Variants in USH2A observed in about 807,000 individuals in gnomAD.
USH2A encodes the protein usherin, also known as Usher syndrome 2A (autosomal recessive, mild).
Under a neutral mutation model 538.9 loss-of-function variants are expected in USH2A, and 443 were observed. The ratio of observed to expected loss-of-function variants is 0.82; its 90% CI spans 0.76 to 0.89. The LOEUF is 0.89. Among genes scored for constraint, USH2A ranks in the 40% least tolerant of loss-of-function variants. USH2A has a pLI of 0.00. For missense variants in USH2A, 6,633 were observed against 6,324.8 expected, an observed-to-expected ratio of 1.05 and a Z score of -1.65; for synonymous variants, 2,413 against 2,273.5, an observed-to-expected ratio of 1.06 and a Z score of -1.75.
intron 61 of USH2A, among the ~76,000 whole-genome samples, chr1:215,688,935 T>C (rs1658516338): frequency 6.6e-6 from 1 of 151,980 alleles, no homozygotes; most frequent in Non-Finnish European, 1.5e-5. Flanking sequence ...GGGGTAATAG[T>C]GGCTTGGACT....
intron 21 of USH2A, among the ~76,000 whole-genome samples, chr1:216,148,374 C>T (rs955731649): frequency 2.6e-5 from 4 of 151,830 alleles, no homozygotes; most frequent in African/African-American, 9.7e-5. Flanking sequence ...TATCTCATTG[C>T]CGCCCTTCTT....
At chr1:215,877,668 C>T in intron 43 of USH2A, 90 bp downstream of exon 43, 1 of 1,580,268 alleles carries the variant, frequency 6.3e-7, no homozygotes, top group East Asian at 2.2e-5. Context: ...ATAACACGCT[C>T]ACACAATGAA....
intron 11 of USH2A, among the ~76,000 whole-genome samples, chr1:216,279,990 C>T (rs1306815639): frequency 5.3e-5 from 8 of 151,948 alleles, no homozygotes; most frequent in Admixed American, 3.9e-4. Context: ...GGCTCACTCC[C>T]ACCTTGGGTC....
intron 61 of USH2A, among the ~76,000 whole-genome samples, chr1:215,680,831 G>C (rs1008712158): frequency 6.6e-6 from 1 of 151,948 alleles, no homozygotes; most frequent in African/African-American, 2.4e-5. Context: ...AAATCTGTTT[G>C]TACACAAGAC....
chr1:216,212,723 AG>A (rs1233195441), intron 15 of USH2A, among the ~76,000 whole-genome samples: 10 of 150,586 alleles, frequency 6.6e-5, no homozygotes, highest in African/African-American at 2.4e-4. Flanking sequence ...ATATGTATGT[AG>A]GGGTGTGTGT....
At chr1:215,676,410 G>T (rs1306751095) in intron 62 of USH2A, among the ~76,000 whole-genome samples, 1 of 152,144 alleles carries the variant, frequency 6.6e-6, no homozygotes, top group East Asian at 1.9e-4. Flanking sequence ...TTTTTGAACA[G>T]TGATTTTCCA....
chr1:215,670,370 G>A (rs1423667919), intron 64 of USH2A, among the ~76,000 whole-genome samples: 1 of 152,108 alleles, frequency 6.6e-6, no homozygotes, highest in Non-Finnish European at 1.5e-5. Context: ...AATGCAAATG[G>A]ACTCTGATGG....
At chr1:215,647,171 A>G (rs763635481) in intron 67 of USH2A, among the ~76,000 whole-genome samples, 1 of 152,184 alleles carries the variant, frequency 6.6e-6, no homozygotes, top group Non-Finnish European at 1.5e-5. Flanking sequence ...GACATACTAG[A>G]GATTATGCCA....
intron 61 of USH2A, among the ~76,000 whole-genome samples, chr1:215,686,918 G>A (rs1658440838): frequency 6.6e-6 from 1 of 151,932 alleles, no homozygotes; most frequent in Non-Finnish European, 1.5e-5. Context: ...TTTCAATTGA[G>A]GCAGGAAGTA....
intron 38 of USH2A, among the ~76,000 whole-genome samples, chr1:215,926,210 C>CAAAA (rs56162024): frequency 1.4e-4 from 16 of 111,596 alleles, no homozygotes; most frequent in Middle Eastern, 4.4e-3. Flanking sequence ...AGAGACCCTG[C>CAAAA]AAAAAAAAAA....
At chr1:216,197,317 G>A (rs2034873119) in intron 18 of USH2A, among the ~76,000 whole-genome samples, 1 of 152,078 alleles carries the variant, frequency 6.6e-6, no homozygotes, top group Admixed American at 6.6e-5. Flanking sequence ...TTTTAAATGT[G>A]CTAACCAAAG....
At chr1:215,712,568 T>C (rs1002733525) in intron 61 of USH2A, among the ~76,000 whole-genome samples, 1 of 152,190 alleles carries the variant, frequency 6.6e-6, no homozygotes, top group Non-Finnish European at 1.5e-5. Flanking sequence ...TCAATGAGTT[T>C]AATATCTCAA....
At chr1:215,797,727 T>A (rs1247292038) in intron 50 of USH2A, among the ~76,000 whole-genome samples, 1 of 152,202 alleles carries the variant, frequency 6.6e-6, no homozygotes, top group Non-Finnish European at 1.5e-5. Flanking sequence ...TCTTTTAAAA[T>A]ATTAATACTC....
At chr1:215,717,343 T>C (rs1232595079) in intron 61 of USH2A, among the ~76,000 whole-genome samples, 1 of 152,164 alleles carries the variant, frequency 6.6e-6, no homozygotes, top group African/African-American at 2.4e-5. Context: ...TAAGGTGATG[T>C]CACATTCATC....
Position 215,650,726 on chromosome 1 carries a change from C to T in USH2A, c.14209G>A (p.Gly4737Ser). Residue 4737 changes from glycine (G) to serine (S), a missense_variant, in exon 65 of 72, where the codon GGT becomes AGT. Physicochemically the swap from Gly to Ser is moderately conservative, Grantham distance 56. Transcript: ENST00000307340. ...WCRTGPAPPE[G>S]LRAPTFHVIS... is the part of the protein sequence containing the mutation. ...ACATGGAACGTGGGGGCTCTGAGACCTTCTGGTGGGGCTGGCCCGGTTCTG... is the reference window on the plus strand; with the variant it reads ...ACATGGAACGTGGGGGCTCTGAGACTTTCTGGTGGGGCTGGCCCGGTTCTG... The T allele has an allele frequency of 1.2e-6, 2 of 1,613,846 alleles. No homozygotes were observed. The highest frequency in any genetic ancestry group is 1.7e-6 in the Non-Finnish European group (2 of 1,179,986).
At chr1:215,967,442 C>G (rs550039360) in intron 36 of USH2A, among the ~76,000 whole-genome samples, 1 of 152,294 alleles carries the variant, frequency 6.6e-6, no homozygotes, top group South Asian at 2.1e-4. Flanking sequence ...GCTGGGATTA[C>G]AGGTGTGAGC....
chr1:216,383,741 G>A (rs1015126491), intron 3 of USH2A, among the ~76,000 whole-genome samples: 1 of 152,100 alleles, frequency 6.6e-6, no homozygotes, highest in African/African-American at 2.4e-5. Context: ...GCAGTGGCAC[G>A]ACCATGGCTC....
At chr1:215,676,908 G>A (rs961325449) in intron 62 of USH2A, among the ~76,000 whole-genome samples, 4 of 152,064 alleles carry the variant, frequency 2.6e-5, no homozygotes, top group African/African-American at 7.2e-5. Flanking sequence ...ATTTTTATTG[G>A]TCTCACTTTA....
intron 62 of USH2A, among the ~76,000 whole-genome samples, chr1:215,676,857 T>C (rs544803144): frequency 8.5e-5 from 13 of 152,318 alleles, no homozygotes; most frequent in African/African-American, 2.9e-4. Flanking sequence ...TGTCCCTCTA[T>C]ACTCAAGCTC....
Sources: gnomAD v4.1 joint callset for allele counts (sites outside exome capture counted in the v4.1 genomes callset) on GRCh38, gnomAD v4.1.1 for gene constraint, MANE v1.5 for transcripts, NCBI Gene and HGNC (gene_info 2026-07-23, HGNC 2026-07-21) for gene names.